SLC39A12: variants seen among roughly 807,000 people sequenced by gnomAD.
SLC39A12 encodes zinc transporter ZIP12.
Under a neutral mutation model 71.1 loss-of-function variants are expected in SLC39A12, and 63 were observed. That is an observed-to-expected ratio of 0.89 (90% CI 0.72 to 1.09). SLC39A12 has a LOEUF of 1.09. SLC39A12 is among the 50% of genes least tolerant of loss of function. The pLI, the probability that SLC39A12 is intolerant of heterozygous loss-of-function variation, is 0.00. For synonymous variants in SLC39A12, 351 were observed against 301.3 expected, an observed-to-expected ratio of 1.16 and a Z score of -1.71; for missense variants, 892 against 812.6, an observed-to-expected ratio of 1.10 and a Z score of -1.19.
At chr10:18,016,264 C>T (rs1836380551) in intron 12 of SLC39A12, among the ~76,000 whole-genome samples, 1 of 152,154 alleles carries the variant, frequency 6.6e-6, no homozygotes, top group Admixed American at 6.5e-5. Flanking sequence ...TTGTCTTTTT[C>T]AGAATGTCAT....
intron 4 of SLC39A12, among the ~76,000 whole-genome samples, chr10:17,969,529 C>T (rs1288530918): frequency 6.6e-6 from 1 of 152,162 alleles, no homozygotes; most frequent in Non-Finnish European, 1.5e-5. Context: ...ATTTGCATTT[C>T]TCTGATGATC....
chr10:18,033,499 C>T (rs1345037897), intron 12 of SLC39A12, among the ~76,000 whole-genome samples: 1 of 147,118 alleles, frequency 6.8e-6, no homozygotes, highest in Non-Finnish European at 1.5e-5. Context: ...TGGTGATATC[C>T]CCTTTATCAT....
At chr10:18,030,858 T>C (rs1836827858) in intron 12 of SLC39A12, among the ~76,000 whole-genome samples, 1 of 139,660 alleles carries the variant, frequency 7.2e-6, no homozygotes, top group Non-Finnish European at 1.5e-5. Context: ...CCATGTGATC[T>C]CATTGTTCAA....
chr10:17,981,244 G>A, intron 5 of SLC39A12, 68 bp from the exon 6 acceptor site: 5 of 1,403,668 alleles, frequency 3.6e-6, no homozygotes, highest in Non-Finnish European at 4.9e-6. Flanking sequence ...CCTCAAGGAT[G>A]ACAACTGGTG....
Position 17,953,363 on chromosome 10 carries a change from C to T in SLC39A12, c.87C>T (p.Pro29=), listed in dbSNP as rs782754293. The change falls in exon 2 of 13, where the codon CCC becomes CCT. Residue 29 remains proline, a synonymous_variant. Coordinates refer to ENST00000377369, the MANE Select transcript of SLC39A12 (RefSeq NM_001145195.2). Reference sequence around the variant, plus strand: ...TTTTTTCTACTGAGACAGACAAACCCTCAGCCCAGGATAGCAGAAGCCGTG... The same window carrying T: ...TTTTTTCTACTGAGACAGACAAACCTTCAGCCCAGGATAGCAGAAGCCGTG... ...SRVFSTETDK[P]SAQDSRSRGS... 6.2e-7 allele frequency: 1 copy of T among 1,614,130 alleles called. No homozygotes were observed. The highest frequency in any genetic ancestry group is 1.7e-5 in the Admixed American group (1 of 60,018).
chr10:17,966,498 A>G (rs2130786282), intron 4 of SLC39A12, among the ~76,000 whole-genome samples: 1 of 151,930 alleles, frequency 6.6e-6, no homozygotes, highest in East Asian at 1.9e-4. Context: ...TTTTGTAGAG[A>G]TAGGGGTCTC....
At chr10:18,028,264 T>G (rs1836734203) in intron 12 of SLC39A12, among the ~76,000 whole-genome samples, 1 of 152,238 alleles carries the variant, frequency 6.6e-6, no homozygotes, top group Non-Finnish European at 1.5e-5. Flanking sequence ...GTTTCTATAT[T>G]TGAATTGCAA....
chr10:18,029,346 A>G (rs1836771254), intron 12 of SLC39A12, among the ~76,000 whole-genome samples: 1 of 152,188 alleles, frequency 6.6e-6, no homozygotes, highest in Non-Finnish European at 1.5e-5. Flanking sequence ...GCCATGATTC[A>G]CACTTGAAAA....
chr10:17,993,991 C>G (rs1835622010), intron 9 of SLC39A12, among the ~76,000 whole-genome samples: 1 of 152,090 alleles, frequency 6.6e-6, no homozygotes, highest in Non-Finnish European at 1.5e-5. Context: ...GGAGGCTATT[C>G]CTGAGACATT....
rs1324972356 is a variant in SLC39A12 at position 17,952,513 on chromosome 10, A to G, written c.-87+488A>G. On this transcript the variant is annotated intron_variant, in intron 1 of 12. Transcript: ENST00000377369. ...TTTCTTTTTTTTTTTTTTGAGATGG[A>G]GTCTTGTTCTGTCGCCCAGGCTGGA... Among the ~76,000 whole-genome samples the G allele has an allele frequency of 3.6e-5, 4 of 110,348 alleles. No homozygotes were observed. The East Asian group carries it at 1.0e-3, about 28-fold the overall frequency. 72.4% of individuals were successfully genotyped at this position (110,348 alleles called of 152,430 possible). A position where few individuals can be genotyped will look rare whatever the true frequency, so the allele number is the denominator to read the frequency against.
chr10:18,021,906 G>C (rs556551302), intron 12 of SLC39A12, among the ~76,000 whole-genome samples: 1 of 152,216 alleles, frequency 6.6e-6, no homozygotes, highest in African/African-American at 2.4e-5. Context: ...TGAAATTCTT[G>C]GTTGAAATTT....
intron 12 of SLC39A12, among the ~76,000 whole-genome samples, chr10:18,007,773 T>C (rs747280463): frequency 3.3e-5 from 5 of 152,010 alleles, no homozygotes; most frequent in Non-Finnish European, 5.9e-5. Context: ...TGACCAGAGG[T>C]CACTCTCATT....
chr10:18,041,755 G>A (rs1475946263), intron 12 of SLC39A12, among the ~76,000 whole-genome samples: 1 of 138,790 alleles, frequency 7.2e-6, no homozygotes, highest in East Asian at 2.1e-4. Flanking sequence ...ATGTATATAT[G>A]TGTATACATA....
At position 18,000,585 on chromosome 10, in the gene SLC39A12, G is replaced by A. The variant is rs569731868; in HGVS notation, c.1601-82G>A. Reference sequence around the variant, plus strand: ...AATATAAGAATGTCAAGTGTAGGTGGGAAGGTTGGTTGGTTTTGAAGGATT... The same window carrying A: ...AATATAAGAATGTCAAGTGTAGGTGAGAAGGTTGGTTGGTTTTGAAGGATT... On this transcript the variant is annotated intron_variant, in intron 10 of 12. Coordinates refer to ENST00000377369, the MANE Select transcript of SLC39A12 (RefSeq NM_001145195.2). 5.4e-4 allele frequency: 701 copies of A among 1,290,394 alleles called. 9 individuals are homozygous for A. The South Asian group carries it at 8.0e-3, about 15-fold the overall frequency. The allele number at this position is 1,290,394 out of a possible 1,614,324, so 79.9% of individuals were successfully genotyped here.
At chr10:18,004,572 C>T (rs539390288) in intron 12 of SLC39A12, among the ~76,000 whole-genome samples, 13 of 152,212 alleles carry the variant, frequency 8.5e-5, no homozygotes, top group East Asian at 3.9e-4. Context: ...CCTGAGTTTC[C>T]GGATGTTTTT....
chr10:17,969,381 G>GA (rs1461017427), intron 4 of SLC39A12, among the ~76,000 whole-genome samples: 32 of 152,030 alleles, frequency 2.1e-4, no homozygotes, highest in Non-Finnish European at 3.4e-4. Context: ...TCTCCATAGG[G>GA]GTCATACTAA....
chr10:17,974,403 C>A (rs920673157), intron 4 of SLC39A12, among the ~76,000 whole-genome samples: 2 of 152,272 alleles, frequency 1.3e-5, no homozygotes, highest in South Asian at 2.1e-4. Flanking sequence ...ACTCACTGTT[C>A]TTGGGAAGGC....
rs538563454 is a variant in SLC39A12 at position 17,986,507 on chromosome 10, T to C, written c.1097-972T>C. ...TGGTGAAGGGAAGAACTCCAGTCCC[T>C]TTAGCCCCTGTAAAGACCCTAATCC... On this transcript the variant is annotated intron_variant, in intron 6 of 12. Transcript: ENST00000377369. Among the ~76,000 whole-genome samples, 4 of 152,232 alleles carry C rather than the reference T, an allele frequency of 2.6e-5. No individual in the cohort carries two copies. In the East Asian group the frequency reaches 7.7e-4, roughly 29 times the overall value.
intron 9 of SLC39A12, among the ~76,000 whole-genome samples, chr10:17,994,677 C>T (rs1266920605): frequency 6.6e-6 from 1 of 152,180 alleles, no homozygotes; most frequent in Non-Finnish European, 1.5e-5. Flanking sequence ...ACTTCCTGCT[C>T]TCTGTATCCT....
Sources: gnomAD v4.1 joint callset for allele counts (sites outside exome capture counted in the v4.1 genomes callset) on GRCh38, gnomAD v4.1.1 for gene constraint, MANE v1.5 for transcripts, NCBI Gene and HGNC (gene_info 2026-07-23, HGNC 2026-07-21) for gene names.